The following MCC variants were observed in gnomAD, a reference collection of about 807,000 sequenced individuals.
MCC encodes MCC regulator of Wnt signaling pathway.
In MCC, 90 loss-of-function variants were observed where a neutral mutation model predicts 116.2. That is an observed-to-expected ratio of 0.77 (90% CI 0.65 to 0.92). MCC has a LOEUF of 0.92. MCC is among the 40% of genes least tolerant of loss of function. MCC has a pLI of 0.00. For missense variants in MCC, 1,516 were observed against 1,312.2 expected, an observed-to-expected ratio of 1.16 and a Z score of -2.40; for synonymous variants, 578 against 510.5, an observed-to-expected ratio of 1.13 and a Z score of -1.78.
chr5:113,205,868 G>A (rs1181202935), intron 3 of MCC, among the ~76,000 whole-genome samples: 2 of 152,316 alleles, frequency 1.3e-5, no homozygotes, highest in Middle Eastern at 3.4e-3. Context: ...TTCAGTCAAC[G>A]CAGTGCATAG....
chr5:113,104,387 C>T, intron 6 of MCC, 32 bp from the exon 7 acceptor site: 1 of 1,570,018 alleles, frequency 6.4e-7, no homozygotes, highest in South Asian at 1.2e-5. Flanking sequence ...ATGCGTTACA[C>T]AGGGCAACAA....
chr5:113,091,611 G>T (rs922382116), intron 8 of MCC, among the ~76,000 whole-genome samples: 5 of 152,168 alleles, frequency 3.3e-5, no homozygotes, highest in Admixed American at 6.5e-5. Context: ...GGCTAGGCAC[G>T]GTGGCTTTGG....
intron 3 of MCC, among the ~76,000 whole-genome samples, chr5:113,283,372 G>A (rs972215385): frequency 6.6e-6 from 1 of 152,142 alleles, no homozygotes; most frequent in South Asian, 2.1e-4. Flanking sequence ...GACTTGAACA[G>A]ATATTTTTCC....
intron 3 of MCC, among the ~76,000 whole-genome samples, chr5:113,183,181 T>C (rs1286138451): frequency 1.3e-5 from 2 of 152,128 alleles, no homozygotes; most frequent in Admixed American, 6.5e-5. Flanking sequence ...CTCAGTGTAA[T>C]TGATTTAAAA....
At chr5:113,126,942 TG>T (rs1217798304) in intron 5 of MCC, among the ~76,000 whole-genome samples, 2 of 152,166 alleles carry the variant, frequency 1.3e-5, no homozygotes, top group Non-Finnish European at 2.9e-5. Context: ...ACTCGTGTCT[TG>T]GGGGGTTTGT....
At chr5:113,386,794 CACACATACACATAT>C (rs1769268631) in intron 1 of MCC, among the ~76,000 whole-genome samples, 1 of 121,196 alleles carries the variant, frequency 8.3e-6, no homozygotes, top group African/African-American at 3.8e-5. Flanking sequence ...TCTGTGTATA[CACACATACACATAT>C]ACACATACAC....
intron 3 of MCC, among the ~76,000 whole-genome samples, chr5:113,299,520 G>C (rs185882375): frequency 4.6e-5 from 7 of 152,054 alleles, no homozygotes; most frequent in Admixed American, 4.6e-4. Flanking sequence ...GAATGCAACT[G>C]GGTCAATATT....
intron 3 of MCC, among the ~76,000 whole-genome samples, chr5:113,290,050 C>T (rs1412652692): frequency 6.6e-6 from 1 of 152,230 alleles, no homozygotes; most frequent in Non-Finnish European, 1.5e-5. Flanking sequence ...ATGAACAGCA[C>T]AGCTGCGAGC....
chr5:113,171,951 T>A (rs549098325), intron 3 of MCC, among the ~76,000 whole-genome samples: 1 of 152,274 alleles, frequency 6.6e-6, no homozygotes, highest in South Asian at 2.1e-4. Flanking sequence ...ATCAGTGCCA[T>A]GTTTTGACCA....
chr5:113,431,564 C>G (rs75735928), intron 1 of MCC, among the ~76,000 whole-genome samples: 4,897 of 152,208 alleles, frequency 0.032, 109 homozygotes, highest in East Asian at 0.075. Context: ...GGGTGAAGGG[C>G]TTCCTGGGGC....
intron 1 of MCC, among the ~76,000 whole-genome samples, chr5:113,405,770 C>G (rs26967): frequency 0.44 from 66,840 of 151,386 alleles, 16,269 homozygotes; most frequent in African/African-American, 0.64. Flanking sequence ...TGGCACCACT[C>G]CACTCCAGCC....
intron 3 of MCC, among the ~76,000 whole-genome samples, chr5:113,329,165 G>C (rs1767635293): frequency 6.6e-6 from 1 of 152,152 alleles, no homozygotes; most frequent in Non-Finnish European, 1.5e-5. Context: ...TGCAAAACAA[G>C]TGACACAATA....
intron 3 of MCC, among the ~76,000 whole-genome samples, chr5:113,248,071 G>T (rs1764643057): frequency 6.6e-6 from 1 of 151,882 alleles, no homozygotes; most frequent in South Asian, 2.1e-4. Context: ...GGGCAGAGAA[G>T]GAAAAGCCTC....
At chr5:113,464,202 G>T (rs905004025) in intron 1 of MCC, among the ~76,000 whole-genome samples, 6 of 152,168 alleles carry the variant, frequency 3.9e-5, no homozygotes, top group African/African-American at 1.4e-4. Flanking sequence ...AATGGAGACA[G>T]TAAATATAGG....
chr5:113,054,016 A>G (rs1752656556), intron 14 of MCC, 57 bp from the exon 15 acceptor site: 5 of 1,257,308 alleles, frequency 4.0e-6, no homozygotes, highest in Admixed American at 3.6e-5. Context: ...GTCATGGCAA[A>G]TAGATCTTTC....
At chr5:113,349,864 A>T (rs6880749) in intron 2 of MCC, among the ~76,000 whole-genome samples, 65,262 of 151,952 alleles carry the variant, frequency 0.43, 15,434 homozygotes, top group African/African-American at 0.62. Context: ...CAAAATCAAC[A>T]TACAAAAATC....
intron 6 of MCC, among the ~76,000 whole-genome samples, chr5:113,117,617 A>T (rs1057352399): frequency 6.6e-6 from 1 of 152,250 alleles, no homozygotes; most frequent in South Asian, 2.1e-4. Context: ...TGGCTGTGCA[A>T]AGGCCCATAC....
At chr5:113,184,108 C>G (rs564214310) in intron 3 of MCC, among the ~76,000 whole-genome samples, 6 of 152,184 alleles carry the variant, frequency 3.9e-5, no homozygotes, top group Non-Finnish European at 7.3e-5. Flanking sequence ...GAACTGTAAT[C>G]TCTTAACATT....
At chr5:113,364,238 G>GAAAAAAAAAAAAACAAAAAAAAA (rs1768626176) in intron 2 of MCC, among the ~76,000 whole-genome samples, 1 of 49,422 alleles carries the variant, frequency 2.0e-5, no homozygotes, top group African/African-American at 7.5e-5. Flanking sequence ...CTCAAAAACA[G>GAAAAAAAAAAAAACAAAAAAAAA]AAAAAAAAAA....
Sources: allele counts gnomAD v4.1 joint callset (sites outside exome capture counted in the v4.1 genomes callset), GRCh38; gene constraint gnomAD v4.1.1; transcripts MANE v1.5; gene names NCBI Gene and HGNC (gene_info 2026-07-23, HGNC 2026-07-21).